The following TTC33 variants were observed in gnomAD, a reference collection of about 807,000 sequenced individuals.
TTC33 encodes tetratricopeptide repeat protein 33.
A neutral mutation model predicts 29.4 loss-of-function variants in TTC33; 24 were observed. The observed-to-expected ratio is 0.82, with a 90% confidence interval of 0.59 to 1.15. The LOEUF is 1.15. TTC33 is among the 50% of genes most tolerant of loss of function. The pLI is 0.00. For missense variants in TTC33, 286 were observed against 310.4 expected (o/e 0.92, Z 0.59); for synonymous variants, 107 against 100.3 (o/e 1.07, Z -0.40).
rs1741963415 is a variant in TTC33 at position 40,714,630 on chromosome 5, T to G, written c.*1515A>C. On this transcript the variant is annotated 3_prime_UTR_variant, in exon 5 of 5. Coordinates refer to ENST00000337702, the MANE Select transcript of TTC33 (RefSeq NM_012382.3). ...AAAATAAAATAATTAACATATTTTT[T>G]GGAGCACTCTGAAACTAACCTCTCT... The G allele has an allele frequency of 6.6e-6, 1 of 152,204 alleles. No homozygotes were observed. The highest frequency in any genetic ancestry group is 2.4e-5 in the African/African-American group (1 of 41,452). 9.4% of individuals were successfully genotyped at this position (152,204 alleles called of 1,614,324 possible). A position where few individuals can be genotyped will look rare whatever the true frequency, so the allele number is the denominator to read the frequency against.
At chr5:40,748,863 G>A (rs976114551) in intron 1 of TTC33, among the ~76,000 whole-genome samples, 21 of 152,124 alleles carry the variant, frequency 1.4e-4, no homozygotes, top group African/African-American at 3.9e-4. Flanking sequence ...GGCCGGGCAC[G>A]GTGGCTCACG....
chr5:40,741,678 C>G (rs1183974450), intron 2 of TTC33, among the ~76,000 whole-genome samples: 1 of 152,156 alleles, frequency 6.6e-6, no homozygotes, highest in Non-Finnish European at 1.5e-5. Context: ...TCCCTGGAGA[C>G]TACCTTCAGG....
At chr5:40,752,340 C>T (rs1189117035) in intron 1 of TTC33, among the ~76,000 whole-genome samples, 2 of 152,206 alleles carry the variant, frequency 1.3e-5, no homozygotes, top group Non-Finnish European at 2.9e-5. Flanking sequence ...CATTGAAGAA[C>T]TTTTCCTTTG....
At position 40,711,914 on chromosome 5, in the gene TTC33, G is replaced by C. The variant is rs1349111503; in HGVS notation, c.*4231C>G. ...GTAGTTGACTAGGGATGGCTGTTCAGGTGGAGGGGAACCAACTGCAAAAGG... is the reference window on the plus strand; with the variant it reads ...GTAGTTGACTAGGGATGGCTGTTCACGTGGAGGGGAACCAACTGCAAAAGG... On this transcript the variant is annotated 3_prime_UTR_variant, in exon 5 of 5. Transcript: ENST00000337702. 6.6e-6 allele frequency among the ~76,000 whole-genome samples: 1 copy of C among 152,126 alleles called. No homozygotes were observed. The highest frequency in any genetic ancestry group is 1.5e-5 in the Non-Finnish European group (1 of 68,004).
At chr5:40,736,591 A>C (rs530473173) in intron 2 of TTC33, among the ~76,000 whole-genome samples, 1 of 152,338 alleles carries the variant, frequency 6.6e-6, no homozygotes, top group Admixed American at 6.5e-5. Flanking sequence ...ACTTGAACAA[A>C]ATAATTTACA....
rs249424 is a variant in TTC33, at chr5:40,753,315, G to A, written c.-2+2509C>T. On this transcript the variant is annotated intron_variant, in intron 1 of 4. Transcript: ENST00000337702. ...GGAGGTAGAAGTTGCAGTGAGCCGA[G>A]ATTGCACCATTGCACTCCAGCCTGA... Among the ~76,000 whole-genome samples the A allele has an allele frequency of 1.1e-3, 162 of 151,482 alleles. 1 individual carries two copies. The East Asian group carries it at 0.026, about 25-fold the overall frequency.
chr5:40,747,005 C>T lies in TTC33; in HGVS notation c.14G>A (p.Gly5Glu). The T allele has an allele frequency of 6.2e-7, 1 of 1,608,634 alleles. No individual in the cohort carries two copies. Among genetic ancestry groups the T allele is most frequent in the Non-Finnish European group, 8.5e-7 (1 of 1,178,604 alleles). The change falls in exon 2 of 5, where the codon GGG (glycine) becomes GAG (glutamate). Residue 5 changes from glycine to glutamate, a missense_variant. By Grantham distance (98) the Gly-to-Glu change is moderately conservative. Coordinates refer to ENST00000337702, the MANE Select transcript of TTC33 (RefSeq NM_012382.3). Reference sequence around the variant, plus strand: ...CTTCTCACCAATTTTCCTCTTCCACCCAAAGGAAGCCATTCTGGAAAATTA... The same window carrying T: ...CTTCTCACCAATTTTCCTCTTCCACTCAAAGGAAGCCATTCTGGAAAATTA... The part of the protein sequence containing the change: MASF[G>E]WKRKIGEKVS...
At chr5:40,753,502 A>G (rs1742934326) in intron 1 of TTC33, among the ~76,000 whole-genome samples, 1 of 152,200 alleles carries the variant, frequency 6.6e-6, no homozygotes, top group South Asian at 2.1e-4. Context: ...CTGGGGAATA[A>G]GGACAATGCA....
chr5:40,722,960 G>A lies in TTC33; in HGVS notation c.435+5385C>T, dbSNP rs1056558729. Among the ~76,000 whole-genome samples the A allele has an allele frequency of 3.3e-5, 5 of 152,174 alleles. No homozygotes were observed. In the East Asian group the frequency reaches 5.8e-4, roughly 18 times the overall value. On this transcript the variant is annotated intron_variant, in intron 4 of 4. Transcript: ENST00000337702. ...GTGTACCCAACAGCTCATTGAGAGC[G>A]GGCCATGATGACGATGGCGGTTTTG...
intron 2 of TTC33, among the ~76,000 whole-genome samples, chr5:40,734,008 T>G (rs1292939906): frequency 1.3e-5 from 2 of 152,230 alleles, no homozygotes; most frequent in Non-Finnish European, 1.5e-5. Flanking sequence ...GCATAACCAT[T>G]GCTGCCAGCA....
At chr5:40,727,643 T>C (rs924018728) in intron 4 of TTC33, among the ~76,000 whole-genome samples, 20 of 152,346 alleles carry the variant, frequency 1.3e-4, no homozygotes, top group African/African-American at 4.8e-4. Context: ...TTCCTTCCCC[T>C]GTATAATCTA....
At position 40,726,139 on chromosome 5, in the gene TTC33, T is replaced by C. The variant is rs542884916; in HGVS notation, c.435+2206A>G. 4.6e-5 allele frequency among the ~76,000 whole-genome samples: 4 copies of C among 87,266 alleles called. No individual in the cohort carries two copies. The South Asian group carries it at 1.6e-3, about 35-fold the overall frequency. 57.2% of individuals were successfully genotyped at this position (87,266 alleles called of 152,430 possible). A position where few individuals can be genotyped will look rare whatever the true frequency, so the allele number is the denominator to read the frequency against. On this transcript the variant is annotated intron_variant, in intron 4 of 4. Transcript: ENST00000337702. ...TTCTTAAAATCTCATTCTCATAAAG[T>C]CTTTTATATATATATATATATACAC...
intron 1 of TTC33, among the ~76,000 whole-genome samples, chr5:40,755,361 C>T (rs1742965212): frequency 6.6e-6 from 1 of 152,180 alleles, no homozygotes; most frequent in Non-Finnish European, 1.5e-5. Context: ...AAAACGCCAC[C>T]GCAAGAGAAA....
At chr5:40,718,566 C>G (rs1394802115) in intron 4 of TTC33, among the ~76,000 whole-genome samples, 5 of 151,998 alleles carry the variant, frequency 3.3e-5, no homozygotes, top group African/African-American at 7.3e-5. Context: ...ATGGTGAAAC[C>G]CTGTCTCTAC....
chr5:40,754,697 A>AC (rs1742953568), intron 1 of TTC33, among the ~76,000 whole-genome samples: 1 of 152,254 alleles, frequency 6.6e-6, no homozygotes, highest in South Asian at 2.1e-4. Context: ...ACAAGAGAGT[A>AC]AACAAAGGAT....
At position 40,713,371 on chromosome 5, in the gene TTC33, G is replaced by T. The variant is rs1741935742; in HGVS notation, c.*2774C>A. Among the ~76,000 whole-genome samples, 1 of 152,100 alleles carries T rather than the reference G, an allele frequency of 6.6e-6. No homozygotes were observed. The highest frequency in any genetic ancestry group is 1.5e-5 in the Non-Finnish European group (1 of 67,990). On this transcript the variant is annotated 3_prime_UTR_variant, in exon 5 of 5. Transcript: ENST00000337702. The stretch of plus-strand genomic sequence containing the variant: ...ACAACTAAAAGGGCTATACTGTTCA[G>T]TTATAATCTTAAAAATTCTAGCTGA...
At chr5:40,744,953 A>G (rs1262431633) in intron 2 of TTC33, among the ~76,000 whole-genome samples, 1 of 152,224 alleles carries the variant, frequency 6.6e-6, no homozygotes, top group Non-Finnish European at 1.5e-5. Context: ...TACCTACGAC[A>G]TATACTTGCC....
chr5:40,743,250 AAGAC>A (rs1436736788), intron 2 of TTC33, among the ~76,000 whole-genome samples: 3 of 152,186 alleles, frequency 2.0e-5, no homozygotes, highest in African/African-American at 7.2e-5. Flanking sequence ...AAAGGACAGG[AAGAC>A]AGGCAGCAGA....
At chr5:40,736,743 T>G (rs150614014) in intron 2 of TTC33, among the ~76,000 whole-genome samples, 2 of 152,310 alleles carry the variant, frequency 1.3e-5, no homozygotes, top group African/African-American at 4.8e-5. Context: ...TCCTCCAAAA[T>G]TCTATAAGAT....
Sources: allele counts gnomAD v4.1 joint callset (sites outside exome capture counted in the v4.1 genomes callset), GRCh38; gene constraint gnomAD v4.1.1; transcripts MANE v1.5; gene names NCBI Gene and HGNC (gene_info 2026-07-23, HGNC 2026-07-21).